The following PLXNA4 variants were observed in gnomAD, a reference collection of about 807,000 sequenced individuals.
PLXNA4 encodes the protein plexin-A4.
In PLXNA4, 44 loss-of-function variants were observed where a neutral mutation model predicts 191.8. The observed-to-expected ratio is 0.23, with a 90% confidence interval of 0.18 to 0.29. The LOEUF (loss-of-function observed/expected upper bound fraction) is 0.29. PLXNA4 is among the 10% of genes least tolerant of loss of function. The pLI is 1.00. For synonymous variants in PLXNA4, 1,082 were observed against 1,009.5 expected, an observed-to-expected ratio of 1.07 and a Z score of -1.36; for missense variants, 1,800 against 2,488.8, an observed-to-expected ratio of 0.72 and a Z score of 5.89.
In PLXNA4 at chr7:132,344,135, C is replaced by T. The variant is rs376860663; in HGVS notation, c.1372-45913G>A. 5.4e-4 allele frequency among the ~76,000 whole-genome samples: 82 copies of T among 152,212 alleles called. No homozygotes were observed. The East Asian group carries it at 0.011, about 21-fold the overall frequency. Reference sequence around the variant, plus strand: ...TCCTGCATGTAGAACAGGTTAAATGCCTTCTGGAAAGCACCAGTCCTTTCA... The same window carrying T: ...TCCTGCATGTAGAACAGGTTAAATGTCTTCTGGAAAGCACCAGTCCTTTCA... On this transcript the variant is annotated intron_variant, in intron 3 of 31. Coordinates refer to ENST00000321063, the MANE Select transcript of PLXNA4 (RefSeq NM_020911.2).
At chr7:132,640,578 G>C (rs908345397) in intron 2 of PLXNA4, among the ~76,000 whole-genome samples, 1 of 152,228 alleles carries the variant, frequency 6.6e-6, no homozygotes, top group Non-Finnish European at 1.5e-5. Context: ...GCAAGAAAGA[G>C]AGCTGTCACC....
chr7:132,499,349 T>C (rs1464612791), intron 2 of PLXNA4, among the ~76,000 whole-genome samples: 1 of 152,252 alleles, frequency 6.6e-6, no homozygotes, highest in Non-Finnish European at 1.5e-5. Flanking sequence ...CAGATGGCAT[T>C]ATCCCTGGGG....
chr7:132,496,837 G>T (rs1278566985), intron 2 of PLXNA4, among the ~76,000 whole-genome samples: 1 of 152,122 alleles, frequency 6.6e-6, no homozygotes, highest in Non-Finnish European at 1.5e-5. Flanking sequence ...CAGCACCAGG[G>T]ATGAGTGCTC....
At chr7:132,520,976 CT>C (rs753722953) in intron 1 of PLXNA4, among the ~76,000 whole-genome samples, 1 of 152,112 alleles carries the variant, frequency 6.6e-6, no homozygotes, top group Non-Finnish European at 1.5e-5. Flanking sequence ...CCTCTACCCC[CT>C]CTCTTCTTTC....
intron 1 of PLXNA4, among the ~76,000 whole-genome samples, chr7:132,530,483 G>A (rs536605689): frequency 1.4e-4 from 21 of 152,196 alleles, no homozygotes; most frequent in African/African-American, 5.1e-4. Flanking sequence ...TATATAAATG[G>A]TCAATCTGCA....
chr7:132,159,052 C>G (rs995821030), intron 25 of PLXNA4, among the ~76,000 whole-genome samples: 1 of 152,186 alleles, frequency 6.6e-6, no homozygotes, highest in Admixed American at 6.5e-5. Flanking sequence ...TGGAACTGAG[C>G]AGAAGGGAAG....
intron 3 of PLXNA4, among the ~76,000 whole-genome samples, chr7:132,434,326 A>G (rs1368321359): frequency 2.0e-5 from 3 of 152,154 alleles, no homozygotes; most frequent in Non-Finnish European, 4.4e-5. Flanking sequence ...CCTGGGGCCC[A>G]GCTCACCTTA....
At chr7:132,271,306 T>G (rs1039181143) in intron 4 of PLXNA4, 1 of 152,030 alleles carries the variant, frequency 6.6e-6, no homozygotes, top group Admixed American at 6.6e-5. Context: ...CTATCCTATC[T>G]CATCTTAATA....
chr7:132,203,426 C>T lies in PLXNA4; in HGVS notation c.2299-7G>A. ...CCATCCCTTCATAGGAATACTGCAG[C>T]CAGGTCGGGGAGGAGGAAAGAAGAA... On this transcript the variant is annotated splice_polypyrimidine_tract_variant and splice_region_variant and intron_variant, in intron 10 of 31. Transcript: ENST00000321063. 6.2e-7 allele frequency: 1 copy of T among 1,613,414 alleles called. No individual in the cohort carries two copies. The highest frequency in any genetic ancestry group is 8.5e-7 in the Non-Finnish European group (1 of 1,179,366).
In PLXNA4 at chr7:132,179,052, ACACACG is replaced by A. The variant is rs766533262; in HGVS notation, c.3874+629_3874+634del. 3.8e-4 allele frequency among the ~76,000 whole-genome samples: 48 copies of A among 126,660 alleles called. 1 individual carries two copies. The highest frequency in any genetic ancestry group is 4.7e-3 in the Middle Eastern group (1 of 214). The allele number at this position is 126,660 out of a possible 152,430, so 83.1% of individuals were successfully genotyped here. ...CGCGCGCACACACACACACACACACACACACGGCCTCCAGCACTGCTCACAGCTGCC... is the reference window on the plus strand; with the variant it reads ...CGCGCGCACACACACACACACACACAGCCTCCAGCACTGCTCACAGCTGCC... On this transcript the variant is annotated intron_variant, in intron 20 of 31. Transcript: ENST00000321063.
intron 3 of PLXNA4, among the ~76,000 whole-genome samples, chr7:132,428,987 G>A (rs1339141018): frequency 6.6e-6 from 1 of 152,032 alleles, no homozygotes; most frequent in East Asian, 1.9e-4. Flanking sequence ...AAGGACAAAG[G>A]CACTCCTATG....
rs556553505 is a variant in PLXNA4, at chr7:132,361,003, T to C, written c.1372-62781A>G. On this transcript the variant is annotated intron_variant, in intron 3 of 31. Coordinates refer to ENST00000321063, the MANE Select transcript of PLXNA4 (RefSeq NM_020911.2). Reference sequence around the variant, plus strand: ...GGAGCAAAGAGATGAGTAAAATTGATTGTATTACTTCCAGCTGCCTGACAG... The same window carrying C: ...GGAGCAAAGAGATGAGTAAAATTGACTGTATTACTTCCAGCTGCCTGACAG... Among the ~76,000 whole-genome samples, 228 of 152,340 alleles carry C rather than the reference T, an allele frequency of 1.5e-3. 6 individuals are homozygous for C. In the South Asian group the frequency reaches 0.043, roughly 29 times the overall value.
At position 132,131,598 on chromosome 7, in the gene PLXNA4, C is replaced by G. The variant is rs561934089; in HGVS notation, c.5590-1024G>C. 8.5e-4 allele frequency among the ~76,000 whole-genome samples: 130 copies of G among 152,316 alleles called. 4 individuals are homozygous for G. In the South Asian group the frequency reaches 0.026, roughly 31 times the overall value. On this transcript the variant is annotated intron_variant, in intron 31 of 31. Transcript: ENST00000321063. The stretch of plus-strand genomic sequence containing the variant: ...GTTAATGTTTCTTTAGTTGTGGAAG[C>G]AGGATAGAGCTGGCCAAGAACTGTC...
chr7:132,394,873 C>T (rs893013641), intron 3 of PLXNA4, among the ~76,000 whole-genome samples: 8 of 152,364 alleles, frequency 5.3e-5, no homozygotes, highest in African/African-American at 1.4e-4. Flanking sequence ...CTCTCTGCTT[C>T]GCCAGAATTC....
At chr7:132,644,133 T>A (rs947059260) in intron 2 of PLXNA4, among the ~76,000 whole-genome samples, 3 of 152,094 alleles carry the variant, frequency 2.0e-5, no homozygotes, top group African/African-American at 4.8e-5. Context: ...GAGGAGTGAG[T>A]GAGCAAATGG....
chr7:132,220,548 A>G (rs1287672312), intron 9 of PLXNA4, among the ~76,000 whole-genome samples: 3 of 152,094 alleles, frequency 2.0e-5, no homozygotes, highest in Non-Finnish European at 2.9e-5. Flanking sequence ...CTCATGGGAA[A>G]TGGAGAGGAT....
chr7:132,538,176 C>T (rs79738287), intron 1 of PLXNA4, among the ~76,000 whole-genome samples: 1,651 of 152,282 alleles, frequency 0.011, 37 homozygotes, highest in African/African-American at 0.038. Context: ...CCTGCTTCCA[C>T]GAGCACCTGC....
At chr7:132,562,815 T>TC (rs1801296420) in intron 1 of PLXNA4, among the ~76,000 whole-genome samples, 1 of 115,128 alleles carries the variant, frequency 8.7e-6, no homozygotes, top group Non-Finnish European at 1.8e-5. Flanking sequence ...CTCCTCCTCC[T>TC]TCTCCTCCTC....
chr7:132,377,398 T>C (rs1804699582), intron 3 of PLXNA4, among the ~76,000 whole-genome samples: 2 of 148,134 alleles, frequency 1.4e-5, no homozygotes, highest in Admixed American at 6.8e-5. Context: ...CCAGACACAG[T>C]CTTCTACAAA....
Sources: allele counts gnomAD v4.1 joint callset (sites outside exome capture counted in the v4.1 genomes callset), GRCh38; gene constraint gnomAD v4.1.1; transcripts MANE v1.5; gene names NCBI Gene and HGNC (gene_info 2026-07-23, HGNC 2026-07-21).